ZCCHC2: variants seen among roughly 807,000 people sequenced by gnomAD.
ZCCHC2 encodes the protein zinc finger CCHC-type containing 2, also known as zinc finger CCHC domain-containing protein 2.
In ZCCHC2, 39 loss-of-function variants were observed where a neutral mutation model predicts 103.6. That is an observed-to-expected ratio of 0.38 (90% CI 0.29 to 0.49). ZCCHC2 has a LOEUF of 0.49. Among genes scored for constraint, ZCCHC2 ranks in the 20% least tolerant of loss-of-function variants. The pLI is 0.96. For synonymous variants in ZCCHC2, 687 were observed against 608.9 expected (o/e 1.13, Z -1.89); for missense variants, 1,483 against 1,491.0 (o/e 0.99, Z 0.09).
rs537597906 is a variant in ZCCHC2 at position 62,575,328 on chromosome 18, G to A, written c.3247G>A (p.Gly1083Arg). The A allele has an allele frequency of 4.3e-6, 7 of 1,613,914 alleles. No individual in the cohort carries two copies. The East Asian group carries it at 1.3e-4, about 31-fold the overall frequency. The change falls in exon 13 of 14, where the codon GGA becomes AGA. Residue 1083 changes from glycine (G) to arginine (R), a missense_variant. Around this residue, in one of 3 missense-constraint regions of ZCCHC2, gnomAD observed 884 missense variants for 907.5 expected, o/e 0.97. Coordinates refer to ENST00000269499, the MANE Select transcript of ZCCHC2 (RefSeq NM_017742.6). ...FFLPQTPYAN[G>R]LVHDPVMGSQ... ...TCTGCCTCAGACTCCATATGCAAAT[G>A]GACTGGTACATGACCCAGTCATGGG...
intron 13 of ZCCHC2, among the ~76,000 whole-genome samples, 187 bp downstream of exon 13, chr18:62,575,737 C>T (rs1916815726): frequency 6.6e-6 from 1 of 152,136 alleles, no homozygotes; most frequent in Non-Finnish European, 1.5e-5. Flanking sequence ...ACACAGAGCA[C>T]AAGGAAGTTC....
chr18:62,569,112 A>G (rs939403251), intron 11 of ZCCHC2, among the ~76,000 whole-genome samples: 6 of 152,212 alleles, frequency 3.9e-5, no homozygotes, highest in African/African-American at 1.2e-4. Context: ...AGCAACATCA[A>G]CATTCCTAAT....
At position 62,574,370 on chromosome 18, in the gene ZCCHC2, G is replaced by C. The variant is rs761412542; in HGVS notation, c.2289G>C (p.Glu763Asp). Residue 763 changes from glutamate to aspartate, a missense_variant, in exon 13 of 14, where the codon GAG becomes GAC. Around this residue, in one of 3 missense-constraint regions of ZCCHC2, gnomAD observed 884 missense variants for 907.5 expected, o/e 0.97. Transcript: ENST00000269499. ...PSPVAISAIR[E>D]SANSTPVGIL... ...CTGTTGCTATTTCTGCAATAAGGGA[G>C]TCTGCAAATTCAACCCCTGTTGGAA... The C allele has an allele frequency of 2.5e-6, 4 of 1,614,026 alleles. No homozygotes were observed. The Admixed American group carries it at 5.0e-5, about 20-fold the overall frequency.
chr18:62,564,385 A>T (rs528151756), intron 9 of ZCCHC2, among the ~76,000 whole-genome samples, 186 bp from the exon 10 acceptor site: 80 of 152,236 alleles, frequency 5.3e-4, no homozygotes, highest in African/African-American at 1.9e-3. Context: ...TCATGAGGAA[A>T]ATATGTAAGT....
chr18:62,528,565 C>G (rs610827), intron 1 of ZCCHC2, among the ~76,000 whole-genome samples: 1,618 of 147,838 alleles, frequency 0.011, 19 homozygotes, highest in African/African-American at 0.038. Context: ...CGCCACTGCA[C>G]TCTAGCCTGG....
chr18:62,539,800 C>T lies in ZCCHC2; in HGVS notation c.1051+8C>T. 1.3e-6 allele frequency: 2 copies of T among 1,593,678 alleles called. No individual in the cohort carries two copies. Among genetic ancestry groups the T allele is most frequent in the South Asian group, 1.1e-5 (1 of 87,950 alleles). Reference sequence around the variant, plus strand: ...ACAGAGCTCAGCGAGAAGGTATGCTCTCTTTTTTGTAAACTTAAAGCATTA... The same window carrying T: ...ACAGAGCTCAGCGAGAAGGTATGCTTTCTTTTTTGTAAACTTAAAGCATTA... On this transcript the variant is annotated splice_region_variant and intron_variant, in intron 2 of 13. Transcript: ENST00000269499.
chr18:62,563,911 A>G (rs1386077951), intron 9 of ZCCHC2, among the ~76,000 whole-genome samples: 1 of 152,164 alleles, frequency 6.6e-6, no homozygotes, highest in Non-Finnish European at 1.5e-5. Context: ...GTGATCAGAG[A>G]GCAGAATGCT....
chr18:62,548,808 C>A (rs1811718740), intron 4 of ZCCHC2, among the ~76,000 whole-genome samples: 1 of 152,072 alleles, frequency 6.6e-6, no homozygotes, highest in African/African-American at 2.4e-5. Context: ...GTCTGTAATC[C>A]CAGGTACTCA....
chr18:62,541,115 A>G (rs1915154577), intron 2 of ZCCHC2, among the ~76,000 whole-genome samples: 1 of 152,228 alleles, frequency 6.6e-6, no homozygotes, highest in Admixed American at 6.5e-5. Flanking sequence ...TTAACTTAAT[A>G]TAACAGCTTT....
In ZCCHC2 at chr18:62,574,968, A is replaced by T. The variant is rs1916767136; in HGVS notation, c.2887A>T (p.Thr963Ser). Residue 963 changes from threonine to serine, a missense_variant, in exon 13 of 14, where the codon ACC (threonine) becomes TCC (serine). Thr to Ser is a moderately conservative substitution (Grantham distance 58). Transcript: ENST00000269499. ...AQATVPPAVPTHTPGPAPSPS... is the reference protein window; with the variant it reads ...AQATVPPAVPSHTPGPAPSPS... ...GGCAACTGTTCCTCCTGCAGTTCCT[A>T]CCCACACCCCAGGCCCTGCCCCGAG... The T allele has an allele frequency of 6.2e-7, 1 of 1,613,826 alleles. No homozygotes were observed. Among genetic ancestry groups the T allele is most frequent in the African/African-American group, 1.3e-5 (1 of 74,998 alleles).
Position 62,574,217 on chromosome 18 carries a change from G to GT in ZCCHC2, c.2137dup (p.Tyr713LeufsTer22). ...TAGAAGATCCCTTAAACTCACCCAA[G>GT]TATCAGCATATTTCTTTTATGCCAA... On this transcript the variant is annotated frameshift_variant, in exon 13 of 14. Transcript: ENST00000269499. LOFTEE classifies it high-confidence loss of function. The GT allele has an allele frequency of 6.2e-7, 1 of 1,614,008 alleles. No individual in the cohort carries two copies. Among genetic ancestry groups the GT allele is most frequent in the Non-Finnish European group, 8.5e-7 (1 of 1,179,894 alleles).
rs761826408 is a variant in ZCCHC2, at chr18:62,575,211, C to T, written c.3130C>T (p.Arg1044Ter). Residue 1044 changes from arginine (R) to a stop codon, truncating the protein, a stop_gained, in exon 13 of 14, where the codon CGA becomes TGA. Transcript: ENST00000269499. LOFTEE classifies it high-confidence loss of function. ...TAATCCAATGCCTGGACCAATGTAC[C>T]GAGTCCCTTCATTCTTTACTCTGCC... ...YPNPMPGPMYRVPSFFTLPSI... is the reference protein window; with the variant it reads ...YPNPMPGPMY 3 of 1,613,956 alleles carry T rather than the reference C, an allele frequency of 1.9e-6. No homozygotes were observed. Among genetic ancestry groups the T allele is most frequent in the Non-Finnish European group, 2.5e-6 (3 of 1,179,876 alleles).
intron 6 of ZCCHC2, among the ~76,000 whole-genome samples, chr18:62,557,578 A>G (rs1915947809): frequency 6.6e-6 from 1 of 152,250 alleles, no homozygotes; most frequent in Non-Finnish European, 1.5e-5. Context: ...TTATGTCTGA[A>G]TGATAACAAC....
intron 3 of ZCCHC2, among the ~76,000 whole-genome samples, chr18:62,543,516 G>A (rs571386109): frequency 4.8e-4 from 73 of 152,108 alleles, no homozygotes; most frequent in Non-Finnish European, 9.1e-4. Context: ...CATGCGTCTC[G>A]CTCTTTACTC....
intron 4 of ZCCHC2, among the ~76,000 whole-genome samples, chr18:62,549,760 C>T (rs1251811054): frequency 1.3e-5 from 2 of 152,142 alleles, no homozygotes; most frequent in Non-Finnish European, 2.9e-5. Context: ...CTGAGGGCAC[C>T]TCAATCACAT....
chr18:62,552,518 TG>T (rs1915708058), intron 5 of ZCCHC2: 1 of 152,180 alleles, frequency 6.6e-6, no homozygotes, highest in African/African-American at 2.4e-5. Flanking sequence ...GTACTGTATT[TG>T]TAAGTTTGAG....
chr18:62,533,730 G>T (rs968270087), intron 1 of ZCCHC2, among the ~76,000 whole-genome samples: 2 of 151,834 alleles, frequency 1.3e-5, no homozygotes, highest in Non-Finnish European at 2.9e-5. Flanking sequence ...AAATTAGCTG[G>T]GCGTGGTGGT....
chr18:62,584,857 G>A (rs1917131462), exon 15 of ZCCHC2: 1 of 152,284 alleles, frequency 6.6e-6, no homozygotes, highest in Non-Finnish European at 1.5e-5. Flanking sequence ...GGCCCATGGT[G>A]ATGCTCAGGC....
intron 1 of ZCCHC2, among the ~76,000 whole-genome samples, chr18:62,537,727 C>T (rs2145493326): frequency 6.6e-6 from 1 of 152,306 alleles, no homozygotes; most frequent in South Asian, 2.1e-4. Context: ...TTGTGAATAA[C>T]TGCTATGAAC....
Sources: allele counts gnomAD v4.1 joint callset (sites outside exome capture counted in the v4.1 genomes callset), GRCh38; gene constraint gnomAD v4.1.1; regional missense constraint gnomAD v4.1.1; transcripts MANE v1.5; gene names NCBI Gene and HGNC (gene_info 2026-07-23, HGNC 2026-07-21).